The following ZNRF1 variants were observed in gnomAD, a reference collection of about 807,000 sequenced individuals.
ZNRF1 encodes zinc and ring finger 1, also known as E3 ubiquitin-protein ligase ZNRF1.
In ZNRF1, 3 loss-of-function variants were observed where a neutral mutation model predicts 18.4. The ratio of observed to expected loss-of-function variants is 0.16; its 90% CI spans 0.07 to 0.42. The LOEUF (loss-of-function observed/expected upper bound fraction) is 0.42. ZNRF1 is among the 10% of genes least tolerant of loss of function. The pLI is 0.99. For synonymous variants in ZNRF1, 157 were observed against 144.2 expected (o/e 1.09, Z -0.64); for missense variants, 310 against 329.8 (o/e 0.94, Z 0.47).
In ZNRF1 at chr16:75,108,349, C is replaced by T. The variant is rs903737750; in HGVS notation, c.*649C>T. Reference sequence around the variant, plus strand: ...TCTTCCTACTGATCCCATCTCTTTTCCCTTCTTTCCTCCTGGTTCCGGTCA... The same window carrying T: ...TCTTCCTACTGATCCCATCTCTTTTTCCTTCTTTCCTCCTGGTTCCGGTCA... On this transcript the variant is annotated 3_prime_UTR_variant, in exon 5 of 5. Coordinates refer to ENST00000335325, the MANE Select transcript of ZNRF1 (RefSeq NM_032268.5). The T allele has an allele frequency of 5.3e-6, 2 of 380,280 alleles. No individual in the cohort carries two copies. Among genetic ancestry groups the T allele is most frequent in the African/African-American group, 4.1e-5 (2 of 48,244 alleles). 23.6% of individuals were successfully genotyped at this position (380,280 alleles called of 1,614,324 possible). A position where few individuals can be genotyped will look rare whatever the true frequency, so the allele number is the denominator to read the frequency against.
At chr16:75,081,595 C>A (rs776803906) in intron 1 of ZNRF1, among the ~76,000 whole-genome samples, 10 of 152,328 alleles carry the variant, frequency 6.6e-5, no homozygotes, top group Non-Finnish European at 1.2e-4. Flanking sequence ...CCAGCAGCAG[C>A]AGTGGGTTTT....
intron 1 of ZNRF1, among the ~76,000 whole-genome samples, chr16:75,062,545 A>G (rs1008775836): frequency 1.3e-5 from 2 of 152,202 alleles, no homozygotes; most frequent in East Asian, 3.9e-4. Flanking sequence ...TCCCTTTGTC[A>G]TCTATGTGTG....
intron 1 of ZNRF1, among the ~76,000 whole-genome samples, chr16:75,082,084 G>T (rs932549837): frequency 6.6e-6 from 1 of 152,154 alleles, no homozygotes; most frequent in African/African-American, 2.4e-5. Context: ...TCACTATGTT[G>T]CCCAGGCTGG....
intron 1 of ZNRF1, among the ~76,000 whole-genome samples, chr16:75,032,347 G>C (rs1017973552): frequency 1.3e-5 from 2 of 151,936 alleles, no homozygotes; most frequent in Non-Finnish European, 2.9e-5. Context: ...GACCTCAGGT[G>C]ATCTGCCCAC....
rs1421963863 is a variant in ZNRF1 at position 75,000,294 on chromosome 16, TTAGGGA to T, written c.424+200_424+205del. On this transcript the variant is annotated intron_variant, in intron 1 of 4. Coordinates refer to ENST00000335325, the MANE Select transcript of ZNRF1 (RefSeq NM_032268.5). ...CTGCGAGGCTGCGGAGCCTGGCGAT[TTAGGGA>T]CTCACGGCGTGTGTTCACTTGTGGA... The T allele has an allele frequency of 2.4e-5, 20 of 818,182 alleles. No homozygotes were observed. The African/African-American group carries it at 3.0e-4, about 12-fold the overall frequency. 50.7% of individuals were successfully genotyped at this position (818,182 alleles called of 1,614,324 possible). A position where few individuals can be genotyped will look rare whatever the true frequency, so the allele number is the denominator to read the frequency against.
At chr16:75,092,474 A>G (rs2145420786) in intron 1 of ZNRF1, among the ~76,000 whole-genome samples, 1 of 152,380 alleles carries the variant, frequency 6.6e-6, no homozygotes, top group South Asian at 2.1e-4. Flanking sequence ...GCAGAGAAAT[A>G]AGATTTCAGT....
intron 1 of ZNRF1, among the ~76,000 whole-genome samples, chr16:75,066,838 CTCGTTGACTTAG>C (rs1382038464): frequency 4.6e-5 from 7 of 152,114 alleles, no homozygotes; most frequent in Non-Finnish European, 1.5e-5. Flanking sequence ...ATCTTCCTTT[CTCGTTGACTTAG>C]AAATTCAGGG....
intron 1 of ZNRF1, among the ~76,000 whole-genome samples, chr16:75,040,042 C>CTTTTTTTTTTCTTTTTTTTTT (rs2035423447): frequency 1.3e-5 from 1 of 78,890 alleles, no homozygotes; most frequent in African/African-American, 5.5e-5. Flanking sequence ...TCTTTTCTTT[C>CTTTTTTTTTTCTTTTTTTTTT]TTTTTTTTTT....
chr16:75,063,829 C>G (rs1433396754), intron 1 of ZNRF1, among the ~76,000 whole-genome samples: 1 of 152,130 alleles, frequency 6.6e-6, no homozygotes. Context: ...CTTTGTTCAG[C>G]AATGAGGAGG....
chr16:75,000,375 T>C lies in ZNRF1; in HGVS notation c.424+280T>C, dbSNP rs569322791. 2.1e-4 allele frequency: 131 copies of C among 621,450 alleles called. 2 individuals carry two copies. The highest frequency in any genetic ancestry group is 2.0e-3 in the South Asian group (131 of 65,926). The allele number at this position is 621,450 out of a possible 1,614,324, so 38.5% of individuals were successfully genotyped here. Reference sequence around the variant, plus strand: ...GGAGTTCCATTTATTGGCATCACCCTCCTCAGAGAAGAGGTCGTGTCTGGC... The same window carrying C: ...GGAGTTCCATTTATTGGCATCACCCCCCTCAGAGAAGAGGTCGTGTCTGGC... On this transcript the variant is annotated intron_variant, in intron 1 of 4. Coordinates refer to ENST00000335325, the MANE Select transcript of ZNRF1 (RefSeq NM_032268.5).
intron 1 of ZNRF1, among the ~76,000 whole-genome samples, chr16:75,068,382 T>G (rs1422659305): frequency 6.6e-6 from 1 of 151,718 alleles, no homozygotes; most frequent in African/African-American, 2.4e-5. Flanking sequence ...CATGAACCAG[T>G]TAACCCTGGC....
chr16:75,091,782 C>T (rs532634186), intron 1 of ZNRF1, among the ~76,000 whole-genome samples: 43 of 152,042 alleles, frequency 2.8e-4, no homozygotes, highest in African/African-American at 8.4e-4. Flanking sequence ...AGCAGTCTGC[C>T]GGCTTCAGCC....
At chr16:75,052,038 CATTTTAAGTACAT>C (rs2099170358) in intron 1 of ZNRF1, among the ~76,000 whole-genome samples, 1 of 152,184 alleles carries the variant, frequency 6.6e-6, no homozygotes, top group South Asian at 2.1e-4. Flanking sequence ...GAAATGTACA[CATTTTAAGTACAT>C]GTTCACTGGG....
intron 1 of ZNRF1, among the ~76,000 whole-genome samples, chr16:75,033,086 T>A (rs2035327130): frequency 6.6e-6 from 1 of 152,192 alleles, no homozygotes; most frequent in African/African-American, 2.4e-5. Context: ...CTGTTTTTCT[T>A]TATACGTCTG....
At chr16:75,067,468 A>G (rs1597892088) in intron 1 of ZNRF1, among the ~76,000 whole-genome samples, 1 of 152,354 alleles carries the variant, frequency 6.6e-6, no homozygotes, top group East Asian at 1.9e-4. Context: ...CCCGTTCAGA[A>G]TTCTAATTGG....
At chr16:75,101,007 C>T (rs567692052) in intron 2 of ZNRF1, among the ~76,000 whole-genome samples, 10 of 152,324 alleles carry the variant, frequency 6.6e-5, no homozygotes, top group African/African-American at 1.7e-4. Flanking sequence ...AATCTTGGCT[C>T]ACTGTAATCT....
intron 1 of ZNRF1, among the ~76,000 whole-genome samples, chr16:75,006,426 A>AGTTT (rs554500060): frequency 1.6e-3 from 246 of 151,468 alleles, no homozygotes; most frequent in African/African-American, 4.7e-3. Flanking sequence ...AACCTCAGTC[A>AGTTT]GTTTGTTTGT....
chr16:75,043,667 T>G (rs1337340728), intron 1 of ZNRF1, among the ~76,000 whole-genome samples: 2 of 151,984 alleles, frequency 1.3e-5, no homozygotes, highest in African/African-American at 4.8e-5. Context: ...AAAGAGACAG[T>G]ATATGGCATA....
At chr16:75,021,211 C>T (rs1451332590) in intron 1 of ZNRF1, among the ~76,000 whole-genome samples, 1 of 151,906 alleles carries the variant, frequency 6.6e-6, no homozygotes, top group Admixed American at 6.6e-5. Flanking sequence ...GGGCTAATTT[C>T]TGTGTTTTTA....
Sources: allele counts gnomAD v4.1 joint callset (sites outside exome capture counted in the v4.1 genomes callset), GRCh38; gene constraint gnomAD v4.1.1; transcripts MANE v1.5; gene names NCBI Gene and HGNC (gene_info 2026-07-23, HGNC 2026-07-21).